Variants in ROBO2 observed in about 807,000 individuals in gnomAD.
ROBO2 encodes roundabout homolog 2.
ROBO2 carries 53 observed loss-of-function variants against 160.8 expected under a neutral mutation model. The ratio of observed to expected loss-of-function variants is 0.33; its 90% CI spans 0.26 to 0.41. ROBO2 has a LOEUF of 0.41. Ranked by LOEUF, ROBO2 falls within the 10% of genes least tolerant of loss-of-function variation. The pLI is 1.00. For synonymous variants in ROBO2, 664 were observed against 611.7 expected (o/e 1.09, Z -1.26); for missense variants, 1,577 against 1,722.4 (o/e 0.92, Z 1.49).
chr3:76,143,515 A>C lies in ROBO2; in HGVS notation c.109+205913A>C, dbSNP rs148122216. On this transcript the variant is annotated intron_variant, in intron 2 of 26. Transcript: ENST00000487694. ...CAATAAAGATATTTTGCATATCTCT[A>C]TTGGTAGATCATGCCATGAACTAGC... Among the ~76,000 whole-genome samples the C allele has an allele frequency of 2.6e-5, 4 of 152,096 alleles. 1 individual carries two copies. In the South Asian group the frequency reaches 8.3e-4, roughly 31 times the overall value.
intron 2 of ROBO2, among the ~76,000 whole-genome samples, chr3:77,445,020 C>T (rs1377172870): frequency 1.3e-5 from 2 of 152,060 alleles, no homozygotes; most frequent in Non-Finnish European, 2.9e-5. Context: ...GGCTCTTTTT[C>T]GGCAAATAAA....
chr3:77,030,271 T>C (rs766391717), intron 2 of ROBO2, among the ~76,000 whole-genome samples: 1 of 152,196 alleles, frequency 6.6e-6, no homozygotes, highest in Non-Finnish European at 1.5e-5. Context: ...TGAACTAAAA[T>C]AGATTTTTTT....
intron 13 of ROBO2, among the ~76,000 whole-genome samples, chr3:77,570,102 G>A (rs532618064): frequency 4.6e-4 from 70 of 151,914 alleles, no homozygotes; most frequent in South Asian, 4.4e-3. Context: ...AAAATACTAC[G>A]CTGTATTTTT....
At chr3:76,248,496 T>G (rs1576086276) in intron 2 of ROBO2, among the ~76,000 whole-genome samples, 1 of 133,836 alleles carries the variant, frequency 7.5e-6, no homozygotes, top group Non-Finnish European at 1.5e-5. Context: ...TGTGGTGGGG[T>G]CGGGGGAGGG....
At chr3:77,104,036 T>C (rs1016381243) in intron 2 of ROBO2, among the ~76,000 whole-genome samples, 1 of 152,148 alleles carries the variant, frequency 6.6e-6, no homozygotes, top group Non-Finnish European at 1.5e-5. Flanking sequence ...CATAGAGAGC[T>C]TTTTAAAAAA....
intron 2 of ROBO2, among the ~76,000 whole-genome samples, chr3:76,195,723 G>A (rs1389126508): frequency 6.6e-6 from 1 of 152,136 alleles, no homozygotes; most frequent in East Asian, 1.9e-4. Context: ...GAAGAATAAG[G>A]ATTTGAACTC....
chr3:76,660,861 T>G (rs1171072689), intron 2 of ROBO2, among the ~76,000 whole-genome samples: 1 of 152,196 alleles, frequency 6.6e-6, no homozygotes, highest in Non-Finnish European at 1.5e-5. Context: ...TTATTCACTT[T>G]AAGTACCTAG....
chr3:77,412,573 G>A (rs2076888610), intron 2 of ROBO2, among the ~76,000 whole-genome samples: 1 of 152,212 alleles, frequency 6.6e-6, no homozygotes, highest in Non-Finnish European at 1.5e-5. Flanking sequence ...TGGGGACAGT[G>A]GGATCTCAAT....
At chr3:75,945,930 T>A (rs544865394) in intron 2 of ROBO2, among the ~76,000 whole-genome samples, 2 of 152,256 alleles carry the variant, frequency 1.3e-5, no homozygotes, top group South Asian at 4.1e-4. Flanking sequence ...TTAATATCTC[T>A]AAGTGGATAC....
chr3:77,430,345 T>A (rs1359286307), intron 2 of ROBO2, among the ~76,000 whole-genome samples: 1 of 152,096 alleles, frequency 6.6e-6, no homozygotes, highest in Non-Finnish European at 1.5e-5. Flanking sequence ...ATATGGCTTT[T>A]GTGTGTGTTT....
intron 21 of ROBO2, among the ~76,000 whole-genome samples, chr3:77,615,345 C>G (rs1391012887): frequency 3.9e-5 from 6 of 152,170 alleles, no homozygotes; most frequent in Admixed American, 2.6e-4. Context: ...ACTGACACAT[C>G]ATCATCACCT....
At chr3:77,526,517 G>A (rs2091175801) in intron 6 of ROBO2, among the ~76,000 whole-genome samples, 2 of 151,408 alleles carry the variant, frequency 1.3e-5, no homozygotes, top group African/African-American at 2.4e-5. Context: ...GGGATCACAT[G>A]TTTCACAATA....
intron 2 of ROBO2, among the ~76,000 whole-genome samples, chr3:76,397,729 C>T: frequency 6.6e-6 from 1 of 152,182 alleles, no homozygotes; most frequent in Non-Finnish European, 1.5e-5. Flanking sequence ...AAAAAATGCT[C>T]ACCATCACTG....
intron 2 of ROBO2, among the ~76,000 whole-genome samples, chr3:77,325,221 T>C (rs1474437376): frequency 6.6e-6 from 1 of 152,294 alleles, no homozygotes; most frequent in East Asian, 1.9e-4. Flanking sequence ...CTGAATGTTG[T>C]GCCTACAGAG....
chr3:76,033,029 A>G (rs1445173629), intron 2 of ROBO2, among the ~76,000 whole-genome samples: 1 of 152,148 alleles, frequency 6.6e-6, no homozygotes, highest in Non-Finnish European at 1.5e-5. Context: ...AGAGAAACCC[A>G]AACACATTCT....
chr3:76,920,973 TATAAA>T (rs2076618121), intron 2 of ROBO2, among the ~76,000 whole-genome samples: 2 of 152,320 alleles, frequency 1.3e-5, no homozygotes, highest in Admixed American at 6.5e-5. Flanking sequence ...TACGTTAAAC[TATAAA>T]ATCTATATGT....
intron 2 of ROBO2, among the ~76,000 whole-genome samples, chr3:76,368,678 A>G (rs752285243): frequency 3.1e-4 from 47 of 151,976 alleles, no homozygotes; most frequent in Non-Finnish European, 5.9e-4. Context: ...ACCTGGACCC[A>G]GAAAATAGCA....
At position 77,546,318 on chromosome 3, in the gene ROBO2, T is replaced by C; in HGVS notation, c.935-20T>C. 4 of 1,612,450 alleles carry C rather than the reference T, an allele frequency of 2.5e-6. No individual in the cohort carries two copies. The highest frequency in any genetic ancestry group is 3.4e-6 in the Non-Finnish European group (4 of 1,178,728). On this transcript the variant is annotated intron_variant, in intron 6 of 25. Coordinates refer to ENST00000461745, the Ensembl canonical transcript of ROBO2. ...GTCTATGGTTGATATTTACACGCTT[T>C]CTTTTCTTTTAAATTATAGCTCCCC...
chr3:76,870,156 T>A (rs1691396458), intron 2 of ROBO2, among the ~76,000 whole-genome samples: 1 of 152,214 alleles, frequency 6.6e-6, no homozygotes, highest in South Asian at 2.1e-4. Context: ...CAACTTTGGC[T>A]GTGCTGTGAG....
Sources: allele counts gnomAD v4.1 joint callset (sites outside exome capture counted in the v4.1 genomes callset), GRCh38; gene constraint gnomAD v4.1.1; transcripts MANE v1.5; gene names NCBI Gene and HGNC (gene_info 2026-07-23, HGNC 2026-07-21).